Variants in ZNF180 observed in about 807,000 individuals in gnomAD.
The protein encoded by ZNF180 is zinc finger protein 180.
In ZNF180, 11 loss-of-function variants were observed where a neutral mutation model predicts 11.8. The observed-to-expected ratio is 0.93, with a 90% CI of 0.59 to 1.55. ZNF180 has a LOEUF of 1.55. Ranked by LOEUF, ZNF180 falls within the 40% of genes most tolerant of loss-of-function variation. The pLI is 0.00. For synonymous variants in ZNF180, 287 were observed against 257.7 expected (o/e 1.11, Z -1.09); for missense variants, 773 against 781.7 (o/e 0.99, Z 0.13).
chr19:44,476,293 T>C lies in ZNF180; in HGVS notation c.*109A>G, dbSNP rs1341662394. On this transcript the variant is annotated 3_prime_UTR_variant, in exon 5 of 5. Coordinates refer to ENST00000592529, the MANE Select transcript of ZNF180 (RefSeq NM_001278509.3). The stretch of plus-strand genomic sequence containing the variant: ...ACAATTAACAGAGGGCTGGAAGTTT[T>C]CCCACATATATTGTTTTTATAGTAG... 1 of 1,079,358 alleles carries C rather than the reference T, an allele frequency of 9.3e-7. No homozygotes were observed. The highest frequency in any genetic ancestry group is 1.3e-6 in the Non-Finnish European group (1 of 784,340). 66.9% of individuals were successfully genotyped at this position (1,079,358 alleles called of 1,614,324 possible).
intron 2 of ZNF180, among the ~76,000 whole-genome samples, chr19:44,492,646 G>C (rs912212043): frequency 7.1e-6 from 1 of 140,946 alleles, no homozygotes; most frequent in Non-Finnish European, 1.5e-5. Flanking sequence ...TAGGGCTAGG[G>C]CTATTTGCTC....
At chr19:44,484,645 G>C in intron 2 of ZNF180, 2 of 581,658 alleles carry the variant, frequency 3.4e-6, no homozygotes, top group Non-Finnish European at 6.2e-6. Flanking sequence ...AAGGCCCACA[G>C]ATACCTGGAC....
chr19:44,487,269 T>A (rs778231489), intron 2 of ZNF180, among the ~76,000 whole-genome samples: 18 of 152,186 alleles, frequency 1.2e-4, no homozygotes, highest in Non-Finnish European at 2.4e-4. Flanking sequence ...AGGAAAGGAT[T>A]CTCCAAACCT....
At chr19:44,485,663 G>A (rs1269238660) in intron 2 of ZNF180, among the ~76,000 whole-genome samples, 4 of 152,046 alleles carry the variant, frequency 2.6e-5, no homozygotes, top group Non-Finnish European at 4.4e-5. Context: ...CAACCCTCCT[G>A]TATTGGCTAT....
rs1410398152 is a variant in ZNF180, at chr19:44,474,880, A to ACTGTTTT, written c.*1515_*1521dup. The ACTGTTTT allele has an allele frequency of 6.6e-6, 1 of 152,232 alleles. No homozygotes were observed. Among genetic ancestry groups the ACTGTTTT allele is most frequent in the Non-Finnish European group, 1.5e-5 (1 of 68,056 alleles). 9.4% of individuals were successfully genotyped at this position (152,232 alleles called of 1,614,324 possible). On this transcript the variant is annotated 3_prime_UTR_variant, in exon 5 of 5. Transcript: ENST00000592529. The stretch of plus-strand genomic sequence containing the variant: ...TTCACACTCCATGAAAACATCAGCA[A>ACTGTTTT]CTGTTTTCCCAGACCTGACACTGCC...
intron 2 of ZNF180, among the ~76,000 whole-genome samples, chr19:44,490,244 TAC>T (rs1654937704): frequency 6.6e-6 from 1 of 152,076 alleles, no homozygotes; most frequent in African/African-American, 2.4e-5. Context: ...CAAAAAAAAC[TAC>T]TGTTCTTAAG....
intron 2 of ZNF180, among the ~76,000 whole-genome samples, chr19:44,486,589 C>T (rs1045072412): frequency 6.6e-6 from 1 of 152,118 alleles, no homozygotes; most frequent in African/African-American, 2.4e-5. Context: ...TCTTTAGAAG[C>T]CATTGGATCA....
intron 3 of ZNF180, among the ~76,000 whole-genome samples, chr19:44,481,050 A>G (rs937682868): frequency 6.6e-6 from 1 of 152,154 alleles, no homozygotes; most frequent in African/African-American, 2.4e-5. Context: ...TGCCATATAA[A>G]TGGGGTCTCT....
intron 2 of ZNF180, among the ~76,000 whole-genome samples, chr19:44,494,533 G>A (rs939044710): frequency 5.9e-5 from 9 of 152,116 alleles, no homozygotes; most frequent in African/African-American, 9.7e-5. Flanking sequence ...TTAGCTGGGC[G>A]TGGTGGTGTG....
chr19:44,496,515 C>CAA (rs1238282443), intron 2 of ZNF180: 1 of 150,874 alleles, frequency 6.6e-6, no homozygotes, highest in Non-Finnish European at 1.5e-5. Context: ...TACACACACA[C>CAA]AAAAAATATA....
rs1969900578 is a variant in ZNF180, at chr19:44,476,816, T to C, written c.1584A>G (p.Gly528=). The C allele has an allele frequency of 2.5e-6, 4 of 1,614,036 alleles. No individual in the cohort carries two copies. The highest frequency in any genetic ancestry group is 3.3e-4 in the Middle Eastern group (2 of 6,062). The change falls in exon 5 of 5, where the codon GGA becomes GGG. Residue 528 remains glycine, a synonymous_variant. Transcript: ENST00000592529. ...GEKPYECSEC[G]KSFNRSSHLV... ...GGTGAGAACTGCGGTTAAAAGATTTTCCACATTCACTACATTCATACGGTT... is the reference window on the plus strand; with the variant it reads ...GGTGAGAACTGCGGTTAAAAGATTTCCCACATTCACTACATTCATACGGTT...
intron 2 of ZNF180, among the ~76,000 whole-genome samples, chr19:44,493,782 C>G (rs1970509133): frequency 6.6e-6 from 1 of 152,110 alleles, no homozygotes; most frequent in Non-Finnish European, 1.5e-5. Flanking sequence ...ATCACCTGCT[C>G]TGGCAGAAAT....
intron 1 of ZNF180, among the ~76,000 whole-genome samples, chr19:44,498,758 C>CATG (rs1391265023): frequency 6.6e-6 from 1 of 152,270 alleles, no homozygotes; most frequent in African/African-American, 2.4e-5. Flanking sequence ...TAGGACTGCC[C>CATG]ATGCCTCCCC....
At position 44,489,179 on chromosome 19, in the gene ZNF180, CCGCCCCG is replaced by C. The variant is rs1970349867; in HGVS notation, c.52-4751_52-4745del. On this transcript the variant is annotated intron_variant, in intron 2 of 4. Transcript: ENST00000592529. ...GGGGGCCAGCCCCCCGCCGGGCCAG[CCGCCCCG>C]TCTGGGAGGTGAGGGGCGCCTCTGC... 1.5e-4 allele frequency among the ~76,000 whole-genome samples: 21 copies of C among 139,010 alleles called. No homozygotes were observed. The South Asian group carries it at 3.8e-3, about 25-fold the overall frequency. The allele number at this position is 139,010 out of a possible 152,430, so 91.2% of individuals were successfully genotyped here.
intron 3 of ZNF180, among the ~76,000 whole-genome samples, chr19:44,481,067 G>C (rs745738535): frequency 9.2e-5 from 14 of 152,198 alleles, no homozygotes; most frequent in Non-Finnish European, 1.6e-4. Flanking sequence ...CTCTTGGGCT[G>C]CCTCCTCTAA....
At chr19:44,499,523 C>G (rs893534752) in intron 1 of ZNF180, among the ~76,000 whole-genome samples, 1 of 152,190 alleles carries the variant, frequency 6.6e-6, no homozygotes, top group African/African-American at 2.4e-5. Flanking sequence ...CTCTAGAGCT[C>G]TGCACTATCC....
chr19:44,484,785 C>A, intron 2 of ZNF180: 2 of 261,822 alleles, frequency 7.6e-6, no homozygotes, highest in Non-Finnish European at 1.5e-5. Context: ...TCCTGGGTCA[C>A]AAAATTATAA....
chr19:44,481,100 G>A (rs1970068032), intron 3 of ZNF180, among the ~76,000 whole-genome samples: 1 of 152,160 alleles, frequency 6.6e-6, no homozygotes, highest in Non-Finnish European at 1.5e-5. Flanking sequence ...CTGTTCTTAA[G>A]ATAACTGGGC....
intron 2 of ZNF180, among the ~76,000 whole-genome samples, chr19:44,492,503 G>A (rs1970474508): frequency 6.6e-6 from 1 of 152,126 alleles, no homozygotes; most frequent in African/African-American, 2.4e-5. Flanking sequence ...AGGGTTGTGG[G>A]CAGGAGATAA....
Sources: gnomAD v4.1 joint callset for allele counts (sites outside exome capture counted in the v4.1 genomes callset) on GRCh38, gnomAD v4.1.1 for gene constraint, MANE v1.5 for transcripts, NCBI Gene and HGNC (gene_info 2026-07-23, HGNC 2026-07-21) for gene names.